Variants in ICA1L observed in about 807,000 individuals in gnomAD.
ICA1L encodes islet cell autoantigen 1 like, also known as islet cell autoantigen 1-like protein.
Under a neutral mutation model 61.3 loss-of-function variants are expected in ICA1L, and 50 were observed. The ratio of observed to expected loss-of-function variants is 0.82; its 90% CI spans 0.65 to 1.03. ICA1L has a LOEUF of 1.03. Ranked by LOEUF, ICA1L falls within the 50% of genes least tolerant of loss-of-function variation. The probability of loss-of-function intolerance (pLI) is 0.00; values close to 1 mark genes in which losing one functional copy is unlikely to be tolerated. For synonymous variants in ICA1L, 161 were observed against 191.3 expected (o/e 0.84, Z 1.31); for missense variants, 508 against 556.7 (o/e 0.91, Z 0.88).
At chr2:202,813,727 T>G (rs1222038906) in intron 8 of ICA1L, among the ~76,000 whole-genome samples, 1 of 152,194 alleles carries the variant, frequency 6.6e-6, no homozygotes, top group Non-Finnish European at 1.5e-5. Flanking sequence ...TGAATCTGGT[T>G]AAAATGAGAA....
intron 1 of ICA1L, among the ~76,000 whole-genome samples, chr2:202,835,215 C>CTTTTTTTTTT (rs544503963): frequency 8.3e-6 from 1 of 120,658 alleles, no homozygotes; most frequent in Non-Finnish European, 1.7e-5. Context: ...TGATTTCTTC[C>CTTTTTTTTTT]TTTTTTTTTT....
intron 2 of ICA1L, among the ~76,000 whole-genome samples, chr2:202,827,205 C>A (rs1357959026): frequency 6.6e-6 from 1 of 152,142 alleles, no homozygotes; most frequent in East Asian, 1.9e-4. Context: ...ACCAGCCTGG[C>A]CAGCATGCTG....
rs905067239 is a variant in ICA1L, at chr2:202,777,876, C to CTTTTTT, written c.*1651_*1656dup. On this transcript the variant is annotated 3_prime_UTR_variant, in exon 13 of 13. Transcript: ENST00000358299. Reference sequence around the variant, plus strand: ...ACTGTGAATAACTTAGTTAAAATGTCTTTTTTTTTTTTTTTTTTTTTTGAG... The same window carrying CTTTTTT: ...ACTGTGAATAACTTAGTTAAAATGTCTTTTTTTTTTTTTTTTTTTTTTTTTTTTGAG... 1.4e-4 allele frequency: 16 copies of CTTTTTT among 116,906 alleles called. No individual in the cohort carries two copies. The highest frequency in any genetic ancestry group is 1.9e-4 in the Non-Finnish European group (11 of 57,280). 7.2% of individuals were successfully genotyped at this position (116,906 alleles called of 1,614,324 possible). A position where few individuals can be genotyped will look rare whatever the true frequency, so the allele number is the denominator to read the frequency against.
At chr2:202,808,120 C>T (rs1693275075) in intron 9 of ICA1L, among the ~76,000 whole-genome samples, 1 of 152,108 alleles carries the variant, frequency 6.6e-6, no homozygotes, top group Non-Finnish European at 1.5e-5. Context: ...CTTTTTATTG[C>T]AGCTTGGGCA....
At chr2:202,820,358 G>C (rs1445298101) in intron 4 of ICA1L, among the ~76,000 whole-genome samples, 7 of 150,056 alleles carry the variant, frequency 4.7e-5, no homozygotes, top group East Asian at 2.0e-4. Context: ...CTGGGCGACA[G>C]AGCGAAACTC....
At chr2:202,789,613 C>G (rs1051616995) in intron 10 of ICA1L, among the ~76,000 whole-genome samples, 1 of 152,108 alleles carries the variant, frequency 6.6e-6, no homozygotes, top group Non-Finnish European at 1.5e-5. Context: ...AAACAACATG[C>G]TCTGATCATA....
rs1330500650 is a variant in ICA1L, at chr2:202,779,626, G to C, written c.1356C>G (p.Asp452Glu). The change falls in exon 13 of 13, where the codon GAC (aspartate) becomes GAG (glutamate). Residue 452 changes from aspartate (D) to glutamate (E), a missense_variant. Physicochemically the swap from Asp to Glu is conservative, Grantham distance 45. Coordinates refer to ENST00000358299, the MANE Select transcript of ICA1L (RefSeq NM_001288622.3). ...LTRSPNNGNQ[D>E]MSAWFNLFAD... ...CAAACAGATTGAACCAGGCTGACAT[G>C]TCTTGGTTGCCATTGTTGGGGGCTA... The C allele has an allele frequency of 6.2e-7, 1 of 1,610,996 alleles. No homozygotes were observed. The highest frequency in any genetic ancestry group is 8.5e-7 in the Non-Finnish European group (1 of 1,178,590).
At chr2:202,804,506 C>T (rs143701338) in intron 9 of ICA1L, among the ~76,000 whole-genome samples, 5 of 152,264 alleles carry the variant, frequency 3.3e-5, no homozygotes, top group African/African-American at 1.2e-4. Context: ...ACATTCCTAA[C>T]ACCCCCTACC....
At chr2:202,852,172 T>C (rs565957566) in intron 1 of ICA1L, among the ~76,000 whole-genome samples, 22 of 152,218 alleles carry the variant, frequency 1.4e-4, no homozygotes, top group African/African-American at 4.8e-4. Flanking sequence ...ATTTAGGTCT[T>C]TACTATTTAG....
At chr2:202,861,132 A>G (rs1694899268) in intron 1 of ICA1L, among the ~76,000 whole-genome samples, 1 of 152,180 alleles carries the variant, frequency 6.6e-6, no homozygotes, top group South Asian at 2.1e-4. Flanking sequence ...TGGGAGGCTG[A>G]GGCAGAATTG....
chr2:202,831,617 C>T lies in ICA1L; in HGVS notation c.-7-2601G>A, dbSNP rs768523428. Among the ~76,000 whole-genome samples the T allele has an allele frequency of 1.1e-4, 17 of 152,262 alleles. 1 individual carries two copies. Among genetic ancestry groups the T allele is most frequent in the South Asian group, 4.1e-4 (2 of 4,826 alleles). On this transcript the variant is annotated intron_variant, in intron 1 of 12. Coordinates refer to ENST00000358299, the MANE Select transcript of ICA1L (RefSeq NM_001288622.3). ...AGCTCAAACAATATACTCCTGTCCT[C>T]GCAACCACTCTCTCCATATCTCTTT...
At chr2:202,869,217 G>A (rs1420131619) in intron 1 of ICA1L, among the ~76,000 whole-genome samples, 1 of 151,980 alleles carries the variant, frequency 6.6e-6, no homozygotes, top group African/African-American at 2.4e-5. Context: ...AATCAGCCAG[G>A]CGTGGTGGCG....
chr2:202,783,898 A>G (rs1692492463), intron 12 of ICA1L, among the ~76,000 whole-genome samples: 5 of 148,500 alleles, frequency 3.4e-5, no homozygotes. Flanking sequence ...ATTTATATGT[A>G]TATGATGGGG....
At chr2:202,847,592 T>C (rs550475883) in intron 1 of ICA1L, among the ~76,000 whole-genome samples, 79 of 151,244 alleles carry the variant, frequency 5.2e-4, no homozygotes, top group Middle Eastern at 3.4e-3. Flanking sequence ...ATGAGAAATA[T>C]ATGTAAAGTG....
intron 9 of ICA1L, 115 bp from the exon 10 acceptor site, chr2:202,797,079 C>A: frequency 1.8e-6 from 1 of 569,826 alleles, no homozygotes; most frequent in Non-Finnish European, 3.0e-6. Context: ...GAATCGAAAA[C>A]ATACAAAAGG....
intron 1 of ICA1L, among the ~76,000 whole-genome samples, chr2:202,842,939 T>G (rs1444308999): frequency 6.6e-6 from 1 of 152,212 alleles, no homozygotes; most frequent in Non-Finnish European, 1.5e-5. Context: ...TACTGCATTT[T>G]TTAGTTCATT....
intron 9 of ICA1L, among the ~76,000 whole-genome samples, chr2:202,809,263 G>A (rs1410649792): frequency 2.0e-5 from 3 of 151,740 alleles, no homozygotes; most frequent in Non-Finnish European, 4.4e-5. Context: ...AGTGAAGAAC[G>A]CATCAGAGTC....
At chr2:202,797,162 G>A (rs996096521) in intron 9 of ICA1L, among the ~76,000 whole-genome samples, 198 bp from the exon 10 acceptor site, 2 of 146,276 alleles carry the variant, frequency 1.4e-5, no homozygotes, top group African/African-American at 2.6e-5. Context: ...GTGTGTGTGT[G>A]TATATGTATA....
rs1411186610 is a variant in ICA1L, at chr2:202,777,940, G to A, written c.*1593C>T. 1 of 149,430 alleles carries A rather than the reference G, an allele frequency of 6.7e-6. No homozygotes were observed. Among genetic ancestry groups the A allele is most frequent in the Non-Finnish European group, 1.5e-5 (1 of 67,682 alleles). 9.3% of individuals were successfully genotyped at this position (149,430 alleles called of 1,614,324 possible). ...CTGTTGCCTAGGCTGGAGTGCAGTG[G>A]CGCCATCTCAGCTCACTGCAAGCTC... On this transcript the variant is annotated 3_prime_UTR_variant, in exon 13 of 13. Transcript: ENST00000358299.
Sources: gnomAD v4.1 joint callset for allele counts (sites outside exome capture counted in the v4.1 genomes callset) on GRCh38, gnomAD v4.1.1 for gene constraint, MANE v1.5 for transcripts, NCBI Gene and HGNC (gene_info 2026-07-23, HGNC 2026-07-21) for gene names.